Variants in CUX1 observed in about 807,000 individuals in gnomAD.
The protein encoded by CUX1 is protein CASP.
In CUX1, 31 loss-of-function variants were observed where a neutral mutation model predicts 158.8. The observed-to-expected ratio is 0.20, with a 90% CI of 0.15 to 0.26. The LOEUF is 0.26. Among genes scored for constraint, CUX1 ranks in the 10% least tolerant of loss-of-function variants. The pLI, the probability that CUX1 is intolerant of heterozygous loss-of-function variation, is 1.00. For synonymous variants in CUX1, 879 were observed against 862.1 expected (o/e 1.02, Z -0.34); for missense variants, 1,589 against 2,014.6 (o/e 0.79, Z 4.04).
At chr7:101,823,976 C>T (rs1187945503) in intron 1 of CUX1, among the ~76,000 whole-genome samples, 2 of 152,234 alleles carry the variant, frequency 1.3e-5, no homozygotes, top group African/African-American at 2.4e-5. Flanking sequence ...TTCCATTTCC[C>T]CCCAAAAGCA....
chr7:101,852,251 G>C (rs1310168707), intron 1 of CUX1, among the ~76,000 whole-genome samples: 2 of 151,956 alleles, frequency 1.3e-5, no homozygotes, highest in Non-Finnish European at 2.9e-5. Flanking sequence ...CTTATTCTTT[G>C]AACATTTTTA....
intron 14 of CUX1, chr7:102,273,315 C>A (rs782212736): frequency 1.6e-5 from 25 of 1,593,418 alleles, no homozygotes; most frequent in Non-Finnish European, 2.0e-5. Flanking sequence ...GGGAGGGCAC[C>A]AAGGGTCCCA....
rs544226757 is a variant in CUX1 at position 101,869,632 on chromosome 7, G to A, written c.31-46483G>A. ...AGGTCAGGCGGCCAGCAGGGCGGGA[G>A]GAGGCGTTGGTGTGCACACGCGGGG... On this transcript the variant is annotated intron_variant, in intron 1 of 23. Transcript: ENST00000292535. The surrounding 1 kb of genome is among the most constrained non-coding windows in gnomAD (Gnocchi z 4.5). Among the ~76,000 whole-genome samples the A allele has an allele frequency of 8.3e-4, 127 of 152,238 alleles. 1 individual carries two copies. Among genetic ancestry groups the A allele is most frequent in the Non-Finnish European group, 1.5e-3 (102 of 68,006 alleles).
At position 102,249,166 on chromosome 7, in the gene CUX1, G is replaced by A. The variant is rs868961356; in HGVS notation, c.*124G>A. ...CCGCGGCCTGCACCGACCCCGGGCC[G>A]GACCTGAGCCCGCAGCCCAGACCCC... is the stretch of plus-strand genomic sequence containing the variant. On this transcript the variant is annotated 3_prime_UTR_variant, in exon 24 of 24. Transcript: ENST00000292535. The A allele has an allele frequency of 1.4e-4, 165 of 1,144,720 alleles. No individual in the cohort carries two copies. The African/African-American group carries it at 2.3e-3, about 16-fold the overall frequency. The allele number at this position is 1,144,720 out of a possible 1,614,324, so 70.9% of individuals were successfully genotyped here.
intron 1 of CUX1, among the ~76,000 whole-genome samples, chr7:101,858,659 G>GT (rs1797132703): frequency 7.4e-6 from 1 of 135,960 alleles, no homozygotes; most frequent in Non-Finnish European, 1.6e-5. Context: ...GAATGCGAAT[G>GT]CCTTTTTTTT....
chr7:102,016,879 G>A (rs976951536), intron 2 of CUX1, among the ~76,000 whole-genome samples: 9 of 152,202 alleles, frequency 5.9e-5, no homozygotes, highest in Non-Finnish European at 1.0e-4. Flanking sequence ...CTAAGATCTG[G>A]AATAAATGAC....
At chr7:102,023,333 G>A (rs368759473) in intron 2 of CUX1, among the ~76,000 whole-genome samples, 7 of 152,162 alleles carry the variant, frequency 4.6e-5, no homozygotes, top group Non-Finnish European at 5.9e-5. Context: ...AGGATTGTGC[G>A]GGTGTGCATG....
Position 102,196,735 on chromosome 7 carries a change from G to C in CUX1, c.1324G>C (p.Ala442Pro), listed in dbSNP as rs1554518457. 1 of 1,612,866 alleles carries C rather than the reference G, an allele frequency of 6.2e-7. No homozygotes were observed. The highest frequency in any genetic ancestry group is 8.5e-7 in the Non-Finnish European group (1 of 1,179,172). Residue 442 changes from alanine (A) to proline (P), a missense_variant, in exon 15 of 24, where the codon GCT (alanine) becomes CCT (proline). Physicochemically the swap from Ala to Pro is conservative, Grantham distance 27. Transcript: ENST00000292535. Reference sequence around the variant, plus strand: ...GTTGCCCCGCAACCCGGGGGAGCAGGCTTCCAATACTAATGGTACACACCA... The same window carrying C: ...GTTGCCCCGCAACCCGGGGGAGCAGCCTTCCAATACTAATGGTACACACCA... ...SQLPRNPGEQ[A>P]SNTNGTHQFS...
intron 9 of CUX1, among the ~76,000 whole-genome samples, chr7:102,166,618 G>A (rs1457851148): frequency 2.0e-5 from 3 of 152,186 alleles, no homozygotes; most frequent in African/African-American, 7.2e-5. Context: ...AGCTGCCAAT[G>A]ATGGGCTACG....
At chr7:102,138,388 C>T (rs530075941) in intron 8 of CUX1, among the ~76,000 whole-genome samples, 11 of 152,144 alleles carry the variant, frequency 7.2e-5, no homozygotes, top group African/African-American at 2.4e-4. Context: ...GTATCTCTGT[C>T]CTAGGCTTTC....
At chr7:101,882,442 G>T (rs768947363) in intron 1 of CUX1, among the ~76,000 whole-genome samples, 4 of 152,068 alleles carry the variant, frequency 2.6e-5, no homozygotes, top group Non-Finnish European at 5.9e-5. Context: ...ATGAAAATTT[G>T]TGATGACGAT....
At chr7:102,190,397 C>A (rs1217901432) in intron 12 of CUX1, among the ~76,000 whole-genome samples, 5 of 152,146 alleles carry the variant, frequency 3.3e-5, no homozygotes, top group African/African-American at 1.2e-4. Flanking sequence ...CTTTCTCGGC[C>A]AGCAGCCCCC....
chr7:102,060,572 C>T (rs1287133676), intron 3 of CUX1, among the ~76,000 whole-genome samples: 5 of 135,142 alleles, frequency 3.7e-5, no homozygotes, highest in African/African-American at 5.5e-5. Context: ...TACACACACA[C>T]ATATATACAT....
chr7:102,263,579 G>A (rs1790575398), intron 14 of CUX1, among the ~76,000 whole-genome samples: 1 of 152,100 alleles, frequency 6.6e-6, no homozygotes, highest in Admixed American at 6.5e-5. Flanking sequence ...GCCTCCCATA[G>A]TGCTGGGATT....
chr7:102,135,752 A>G (rs1563293411), intron 8 of CUX1, among the ~76,000 whole-genome samples: 1 of 152,128 alleles, frequency 6.6e-6, no homozygotes, highest in Non-Finnish European at 1.5e-5. Context: ...AGGCAGGCGG[A>G]TCACTTGAGG....
intron 1 of CUX1, among the ~76,000 whole-genome samples, chr7:101,842,872 A>T (rs185097418): frequency 0.021 from 2,219 of 105,626 alleles, 34 homozygotes; most frequent in Middle Eastern, 0.096. Context: ...AAATTATTCT[A>T]TTTTTTTTTT....
chr7:102,041,797 A>G, intron 3 of CUX1, among the ~76,000 whole-genome samples: 1 of 150,586 alleles, frequency 6.6e-6, no homozygotes, highest in South Asian at 2.1e-4. Flanking sequence ...CCTCCCAAGT[A>G]GCTGGGACTA....
chr7:102,146,539 G>A (rs1835043160), intron 8 of CUX1, among the ~76,000 whole-genome samples: 1 of 152,106 alleles, frequency 6.6e-6, no homozygotes, highest in South Asian at 2.1e-4. Flanking sequence ...TTCCCGTTTG[G>A]GATTGAAAAG....
intron 9 of CUX1, among the ~76,000 whole-genome samples, chr7:102,166,370 A>G (rs2131638624): frequency 6.6e-6 from 1 of 152,330 alleles, no homozygotes; most frequent in African/African-American, 2.4e-5. Context: ...TGGGGCAGAC[A>G]CAAAAGTAGA....
Sources: allele counts gnomAD v4.1 joint callset (sites outside exome capture counted in the v4.1 genomes callset), GRCh38; gene constraint gnomAD v4.1.1; non-coding constraint Gnocchi (gnomAD v3.1); transcripts MANE v1.5; gene names NCBI Gene and HGNC (gene_info 2026-07-23, HGNC 2026-07-21).